CDC25C: variants seen among roughly 807,000 people sequenced by gnomAD.
The protein encoded by CDC25C is M-phase inducer phosphatase 3.
In CDC25C, 48 loss-of-function variants were observed where a neutral mutation model predicts 52.5. The ratio of observed to expected loss-of-function variants is 0.91; its 90% CI spans 0.72 to 1.16. The LOEUF (loss-of-function observed/expected upper bound fraction) is 1.16, where lower values mean the gene tolerates loss of function less well. Among genes scored for constraint, CDC25C ranks in the 50% most tolerant of loss-of-function variants. The pLI, the probability that CDC25C is intolerant of heterozygous loss-of-function variation, is 0.00. For missense variants in CDC25C, 510 were observed against 566.1 expected (o/e 0.90, Z 1.01); for synonymous variants, 187 against 206.5 (o/e 0.91, Z 0.81).
At chr5:138,305,772 A>G (rs984813860) in intron 7 of CDC25C, among the ~76,000 whole-genome samples, 2 of 152,148 alleles carry the variant, frequency 1.3e-5, no homozygotes, top group African/African-American at 4.8e-5. Context: ...GTTTCAGTAA[A>G]ATCTAAAGTT....
chr5:138,295,386 C>A (rs1757102348), intron 7 of CDC25C, among the ~76,000 whole-genome samples: 1 of 152,130 alleles, frequency 6.6e-6, no homozygotes, highest in Non-Finnish European at 1.5e-5. Context: ...CAAGGTGAGT[C>A]CAAATCGCTT....
intron 7 of CDC25C, among the ~76,000 whole-genome samples, chr5:138,298,405 A>G (rs1757374822): frequency 6.6e-6 from 1 of 152,130 alleles, no homozygotes; most frequent in South Asian, 2.1e-4. Context: ...TAGAATACAC[A>G]TTCTTCTCCA....
Position 138,294,980 on chromosome 5 carries a change from A to C in CDC25C, c.616-2864T>G, listed in dbSNP as rs192831033. Among the ~76,000 whole-genome samples, 14 of 152,266 alleles carry C rather than the reference A, an allele frequency of 9.2e-5. No homozygotes were observed. The East Asian group carries it at 2.7e-3, about 29-fold the overall frequency. ...CAGATGCTTTATGGTTTAAGGTTTTAGATTTGGAGCTATGATCCATTTTGT... is the reference window on the plus strand; with the variant it reads ...CAGATGCTTTATGGTTTAAGGTTTTCGATTTGGAGCTATGATCCATTTTGT... On this transcript the variant is annotated intron_variant, in intron 7 of 13. Coordinates refer to ENST00000323760, the MANE Select transcript of CDC25C (RefSeq NM_001790.5).
At chr5:138,307,812 A>C (rs1691919910) in intron 7 of CDC25C, among the ~76,000 whole-genome samples, 1 of 152,062 alleles carries the variant, frequency 6.6e-6, no homozygotes, top group African/African-American at 2.4e-5. Flanking sequence ...TTCCACCTAA[A>C]CAAAACTTTC....
At chr5:138,287,732 G>A (rs566138635) in intron 10 of CDC25C, among the ~76,000 whole-genome samples, 1 of 152,244 alleles carries the variant, frequency 6.6e-6, no homozygotes, top group Admixed American at 6.5e-5. Context: ...ACTTGTAGGA[G>A]TGCAAATTGG....
At chr5:138,325,495 C>A (rs556503820) in intron 6 of CDC25C, among the ~76,000 whole-genome samples, 46 of 152,192 alleles carry the variant, frequency 3.0e-4, no homozygotes, top group African/African-American at 1.0e-3. Context: ...TTATCCCTAC[C>A]TGTTAAAACA....
At position 138,289,467 on chromosome 5, in the gene CDC25C, T is replaced by A. The variant is rs758038714; in HGVS notation, c.927+34A>T. Reference sequence around the variant, plus strand: ...ACAGAAGAGACCAGATGGTAGCTTATGTAACCAGTTACCATCTCCAGAAAT... The same window carrying A: ...ACAGAAGAGACCAGATGGTAGCTTAAGTAACCAGTTACCATCTCCAGAAAT... On this transcript the variant is annotated intron_variant, in intron 10 of 13. Transcript: ENST00000323760. The A allele has an allele frequency of 3.3e-6, 5 of 1,509,524 alleles. No individual in the cohort carries two copies. The African/African-American group carries it at 6.9e-5, about 21-fold the overall frequency. 93.5% of individuals were successfully genotyped at this position (1,509,524 alleles called of 1,614,324 possible).
intron 7 of CDC25C, among the ~76,000 whole-genome samples, chr5:138,304,657 T>C (rs967516317): frequency 1.3e-5 from 2 of 152,088 alleles, no homozygotes; most frequent in Non-Finnish European, 2.9e-5. Flanking sequence ...AGGCATGCAC[T>C]ACCACATGCA....
At chr5:138,310,868 T>G (rs1422690983) in intron 7 of CDC25C, among the ~76,000 whole-genome samples, 1 of 152,238 alleles carries the variant, frequency 6.6e-6, no homozygotes, top group Admixed American at 6.5e-5. Context: ...TTAGCTGTTA[T>G]GTTTTAACTT....
At chr5:138,291,065 A>T (rs1756668547) in intron 8 of CDC25C, among the ~76,000 whole-genome samples, 2 of 152,038 alleles carry the variant, frequency 1.3e-5, no homozygotes, top group Admixed American at 1.3e-4. Context: ...AGGGGAAAAT[A>T]AATAAATAAA....
intron 7 of CDC25C, among the ~76,000 whole-genome samples, chr5:138,314,844 C>G (rs180931520): frequency 1.3e-5 from 2 of 149,748 alleles, no homozygotes; most frequent in Admixed American, 1.3e-4. Flanking sequence ...TGGTCTCAAA[C>G]TCCTGGCTTC....
chr5:138,286,529 G>A lies in CDC25C; in HGVS notation c.1128C>T (p.His376=), dbSNP rs777727419. The part of the protein sequence containing the change: ...DTQKRIIIVF[H]CEFSSERGPR... ...GGCCCCTCTCTGAGGAGAATTCACA[G>A]TGGAACACGATGATTATTCTCTTCT... Residue 376 remains histidine (H), a synonymous_variant, in exon 12 of 14, where the codon CAC becomes CAT. Coordinates refer to ENST00000323760, the MANE Select transcript of CDC25C (RefSeq NM_001790.5). 11 of 1,613,842 alleles carry A rather than the reference G, an allele frequency of 6.8e-6. No individual in the cohort carries two copies. Among genetic ancestry groups the A allele is most frequent in the Non-Finnish European group, 9.3e-6 (11 of 1,179,868 alleles).
chr5:138,314,925 CTTT>C (rs35443317), intron 7 of CDC25C, among the ~76,000 whole-genome samples: 14 of 90,808 alleles, frequency 1.5e-4, no homozygotes, highest in Admixed American at 5.2e-4. Context: ...CCAGCCAGCA[CTTT>C]TTTTTTTTTT....
At chr5:138,288,010 T>C (rs574869476) in intron 10 of CDC25C, among the ~76,000 whole-genome samples, 120 of 152,316 alleles carry the variant, frequency 7.9e-4, no homozygotes, top group Admixed American at 1.8e-3. Flanking sequence ...AGATACCTTA[T>C]TGATATAGAA....
intron 7 of CDC25C, among the ~76,000 whole-genome samples, chr5:138,312,816 G>C (rs1758552137): frequency 6.6e-6 from 1 of 152,042 alleles, no homozygotes; most frequent in African/African-American, 2.4e-5. Flanking sequence ...ACTTGAAAAT[G>C]GTTATGATGA....
chr5:138,322,724 C>T (rs1339215072), intron 6 of CDC25C, among the ~76,000 whole-genome samples: 10 of 150,284 alleles, frequency 6.7e-5, no homozygotes, highest in African/African-American at 2.4e-4. Flanking sequence ...ATCCGCCCAC[C>T]TCGGCCTCCC....
chr5:138,327,752 TA>T (rs1760008490), intron 4 of CDC25C, among the ~76,000 whole-genome samples: 1 of 151,578 alleles, frequency 6.6e-6, no homozygotes, highest in Non-Finnish European at 1.5e-5. Flanking sequence ...ACGTTACAAA[TA>T]AAAAAAATTA....
At chr5:138,291,942 C>A (rs189899115) in intron 8 of CDC25C, 28 bp downstream of exon 8, 8 of 1,581,334 alleles carry the variant, frequency 5.1e-6, no homozygotes, top group South Asian at 3.4e-5. Flanking sequence ...AGAAGATGAA[C>A]AAGATTTTCA....
In CDC25C at chr5:138,292,480, CA is replaced by C. The variant is rs70982703; in HGVS notation, c.616-365del. 4.9e-3 allele frequency among the ~76,000 whole-genome samples: 312 copies of C among 63,530 alleles called. 2 individuals carry two copies. In the South Asian group the frequency reaches 0.054, roughly 11 times the overall value. The allele number at this position is 63,530 out of a possible 152,430, so 41.7% of individuals were successfully genotyped here. Reference sequence around the variant, plus strand: ...AGCTCAGTCCCTCCAGTTATGTGACCAAAAAAAAAAAAAAAAAAAAAAACAT... The same window carrying C: ...AGCTCAGTCCCTCCAGTTATGTGACCAAAAAAAAAAAAAAAAAAAAAACAT... On this transcript the variant is annotated intron_variant, in intron 7 of 13. Transcript: ENST00000323760.
Sources: gnomAD v4.1 joint callset for allele counts (sites outside exome capture counted in the v4.1 genomes callset) on GRCh38, gnomAD v4.1.1 for gene constraint, MANE v1.5 for transcripts, NCBI Gene and HGNC (gene_info 2026-07-23, HGNC 2026-07-21) for gene names.